The following GLI2 variants were observed in gnomAD, a reference collection of about 807,000 sequenced individuals.
GLI2 encodes the protein transcription activator GLI2.
GLI2 carries 22 observed loss-of-function variants against 78.9 expected under a neutral mutation model. The ratio of observed to expected loss-of-function variants is 0.28; its 90% CI spans 0.20 to 0.40. GLI2 has a LOEUF of 0.40. Ranked by LOEUF, GLI2 falls within the 10% of genes least tolerant of loss-of-function variation. The pLI is 1.00. For missense variants in GLI2, 2,097 were observed against 2,213.2 expected, an observed-to-expected ratio of 0.95 and a Z score of 1.05; for synonymous variants, 974 against 963.7, an observed-to-expected ratio of 1.01 and a Z score of -0.20.
chr2:120,912,466 T>C (rs1183341864), intron 2 of GLI2, among the ~76,000 whole-genome samples: 1 of 152,122 alleles, frequency 6.6e-6, no homozygotes, highest in Non-Finnish European at 1.5e-5. Flanking sequence ...CACGGATTCA[T>C]GGACTGGCCT....
chr2:120,789,029 C>CTTTTTT lies in GLI2; in HGVS notation c.-30-8259_-30-8258insTTTTTT, dbSNP rs765758623. 1.3e-4 allele frequency among the ~76,000 whole-genome samples: 17 copies of CTTTTTT among 135,490 alleles called. 1 individual carries two copies. The highest frequency in any genetic ancestry group is 4.4e-4 in the African/African-American group (14 of 31,540). 88.9% of individuals were successfully genotyped at this position (135,490 alleles called of 152,430 possible). A position where few individuals can be genotyped will look rare whatever the true frequency, so the allele number is the denominator to read the frequency against. ...AATCTGGCTTATCACTTATTTCTTT[C>CTTTTTT]TTTCTTTTTTTTTTTTTTTTTGAGA... On this transcript the variant is annotated intron_variant, in intron 1 of 13. Transcript: ENST00000361492.
intron 2 of GLI2, among the ~76,000 whole-genome samples, chr2:120,834,240 T>C (rs1396382926): frequency 6.6e-6 from 1 of 152,170 alleles, no homozygotes; most frequent in Non-Finnish European, 1.5e-5. Context: ...ACAGGACTAC[T>C]TGGGGAAGCA....
chr2:120,951,094 C>G, intron 3 of GLI2, 149 bp from the exon 4 acceptor site: 2 of 715,728 alleles, frequency 2.8e-6, no homozygotes, highest in Non-Finnish European at 5.2e-6. Flanking sequence ...CACAGATGAC[C>G]AGGGGAATGT....
chr2:120,755,990 G>T (rs1269276447), intron 1 of GLI2, among the ~76,000 whole-genome samples: 1 of 152,144 alleles, frequency 6.6e-6, no homozygotes, highest in Non-Finnish European at 1.5e-5. Flanking sequence ...TTTATAACAA[G>T]TCTTGAAGTC....
chr2:120,891,130 G>GA (rs1677659445), intron 2 of GLI2, among the ~76,000 whole-genome samples: 1 of 152,206 alleles, frequency 6.6e-6, no homozygotes, highest in African/African-American at 2.4e-5. Flanking sequence ...GGCTGGTGGG[G>GA]AGCAGGCAGT....
At position 120,961,892 on chromosome 2, in the gene GLI2, C is replaced by G. The variant is rs903049821; in HGVS notation, c.643+6462C>G. Among the ~76,000 whole-genome samples the G allele has an allele frequency of 4.6e-5, 7 of 152,306 alleles. No homozygotes were observed. In the East Asian group the frequency reaches 1.4e-3, roughly 29 times the overall value. On this transcript the variant is annotated intron_variant, in intron 5 of 13. Transcript: ENST00000361492. ...GAGGAGGATGTTCCTGTCTCTGTCT[C>G]CATCAAACCTAAAATAACCCAGCCC...
At chr2:120,742,610 C>T (rs576354453) in intron 1 of GLI2, among the ~76,000 whole-genome samples, 1 of 150,780 alleles carries the variant, frequency 6.6e-6, no homozygotes, top group African/African-American at 2.5e-5. Flanking sequence ...ATTCATTTTC[C>T]GAGGTGCCAG....
At chr2:120,907,356 C>T (rs151135415) in intron 2 of GLI2, among the ~76,000 whole-genome samples, 98 of 152,222 alleles carry the variant, frequency 6.4e-4, no homozygotes, top group Non-Finnish European at 1.0e-3. Flanking sequence ...GCTGGAGGTC[C>T]GTAAACCAGA....
chr2:120,970,349 T>C (rs1206789703), intron 6 of GLI2, 44 bp from the exon 7 acceptor site: 1 of 1,040,284 alleles, frequency 9.6e-7, no homozygotes, highest in Non-Finnish European at 1.5e-6. Flanking sequence ...CTAAGAGAGC[T>C]CCCGATCCCC....
At chr2:120,820,819 T>C (rs2871627) in intron 2 of GLI2, among the ~76,000 whole-genome samples, 150,793 of 152,336 alleles carry the variant, frequency 0.99, 74,640 homozygotes, top group Middle Eastern at 1. Flanking sequence ...AGCAGGCAGA[T>C]GTGGGCCACA....
In GLI2 at chr2:120,989,061, C is replaced by CGAGGCCGACCTGGGGCTGCCG; in HGVS notation, c.3101_3121dup (p.Ala1034_Glu1040dup). On this transcript the variant is annotated inframe_insertion, in exon 14 of 14. Coordinates refer to ENST00000361492, the MANE Select transcript of GLI2 (RefSeq NM_001374353.1). The stretch of plus-strand genomic sequence containing the variant: ...CGGCAGGAGTGGACGGCGCGGGGCC[C>CGAGGCCGACCTGGGGCTGCCG]GAGGCCGACCTGGGGCTGCCGGAGG... The CGAGGCCGACCTGGGGCTGCCG allele has an allele frequency of 6.2e-7, 1 of 1,609,998 alleles. No individual in the cohort carries two copies. Among genetic ancestry groups the CGAGGCCGACCTGGGGCTGCCG allele is most frequent in the Non-Finnish European group, 8.5e-7 (1 of 1,179,644 alleles).
intron 5 of GLI2, among the ~76,000 whole-genome samples, chr2:120,958,058 G>A (rs754569873): frequency 6.6e-6 from 1 of 152,182 alleles, no homozygotes; most frequent in Non-Finnish European, 1.5e-5. Context: ...CGGAGCCAGA[G>A]GGGAGAAGTA....
chr2:120,797,143 C>T, intron 1 of GLI2, 148 bp from the exon 2 acceptor site: 1 of 701,180 alleles, frequency 1.4e-6, no homozygotes, highest in Non-Finnish European at 2.5e-6. Flanking sequence ...TAATAATTCT[C>T]AAAATTAATT....
intron 2 of GLI2, among the ~76,000 whole-genome samples, chr2:120,806,621 C>T (rs1340883218): frequency 1.3e-5 from 2 of 152,218 alleles, no homozygotes; most frequent in East Asian, 1.9e-4. Context: ...CCATATGTCT[C>T]CTGCCTGGCA....
At chr2:120,969,374 C>T (rs915292041) in intron 6 of GLI2, among the ~76,000 whole-genome samples, 6 of 152,150 alleles carry the variant, frequency 3.9e-5, no homozygotes, top group Non-Finnish European at 7.4e-5. Flanking sequence ...CCCTTCTGTG[C>T]GGCTCTAGTC....
chr2:120,785,693 C>A (rs1007350785), intron 1 of GLI2, among the ~76,000 whole-genome samples: 4 of 152,358 alleles, frequency 2.6e-5, no homozygotes, highest in African/African-American at 9.6e-5. Context: ...TGGCTCGTGG[C>A]TGCAGGTGGC....
At chr2:120,811,518 G>A (rs1444716293) in intron 2 of GLI2, among the ~76,000 whole-genome samples, 2 of 152,198 alleles carry the variant, frequency 1.3e-5, no homozygotes, top group East Asian at 1.9e-4. Context: ...TGGGAAGGTG[G>A]AGGTGAGCAG....
At chr2:120,821,773 C>T (rs543260945) in intron 2 of GLI2, among the ~76,000 whole-genome samples, 3 of 152,310 alleles carry the variant, frequency 2.0e-5, no homozygotes, top group South Asian at 2.1e-4. Flanking sequence ...GCCTGTGCTG[C>T]GACCCCCAGA....
intron 2 of GLI2, among the ~76,000 whole-genome samples, chr2:120,804,157 C>T (rs12467239): frequency 0.52 from 78,929 of 152,032 alleles, 22,343 homozygotes; most frequent in South Asian, 0.69. Context: ...AATATTTAGA[C>T]GACTCATTTT....
Sources: allele counts gnomAD v4.1 joint callset (sites outside exome capture counted in the v4.1 genomes callset), GRCh38; gene constraint gnomAD v4.1.1; transcripts MANE v1.5; gene names NCBI Gene and HGNC (gene_info 2026-07-23, HGNC 2026-07-21).